PEX5L: variants seen among roughly 807,000 people sequenced by gnomAD.
PEX5L encodes the protein peroxisomal biogenesis factor 5 like, also known as PEX5-related protein.
Under a neutral mutation model 84.0 loss-of-function variants are expected in PEX5L, and 30 were observed. The ratio of observed to expected loss-of-function variants is 0.36; its 90% CI spans 0.27 to 0.48. The LOEUF is 0.48. PEX5L is among the 20% of genes least tolerant of loss of function. PEX5L has a pLI of 0.99. For synonymous variants in PEX5L, 270 were observed against 283.1 expected, an observed-to-expected ratio of 0.95 and a Z score of 0.46; for missense variants, 533 against 754.6, an observed-to-expected ratio of 0.71 and a Z score of 3.44.
chr3:179,986,397 ATTTTT>A (rs11344304), intron 1 of PEX5L, among the ~76,000 whole-genome samples: 32 of 111,074 alleles, frequency 2.9e-4, no homozygotes, highest in Admixed American at 8.8e-4. Context: ...CCATTTAGTA[ATTTTT>A]TTTTTTTTTT....
At chr3:180,028,640 T>A (rs1369972118) in intron 1 of PEX5L, among the ~76,000 whole-genome samples, 3 of 152,242 alleles carry the variant, frequency 2.0e-5, no homozygotes, top group Non-Finnish European at 1.5e-5. Context: ...GCACTAGCTC[T>A]GTTAACTAAC....
At chr3:179,867,402 A>G (rs1748717889) in intron 7 of PEX5L, among the ~76,000 whole-genome samples, 1 of 152,092 alleles carries the variant, frequency 6.6e-6, no homozygotes, top group Non-Finnish European at 1.5e-5. Context: ...TTGAGAATGT[A>G]CTGTGTACAG....
chr3:179,886,192 C>T (rs1389288031), intron 4 of PEX5L, among the ~76,000 whole-genome samples: 1 of 152,192 alleles, frequency 6.6e-6, no homozygotes, highest in East Asian at 1.9e-4. Context: ...GATTCACCTG[C>T]AATTGGACAT....
At position 179,954,212 on chromosome 3, in the gene PEX5L, G is replaced by C. The variant is rs75686020; in HGVS notation, c.93+17382C>G. Among the ~76,000 whole-genome samples, 228 of 141,080 alleles carry C rather than the reference G, an allele frequency of 1.6e-3. 5 individuals carry two copies. The East Asian group carries it at 0.036, about 22-fold the overall frequency. 92.6% of individuals were successfully genotyped at this position (141,080 alleles called of 152,430 possible). On this transcript the variant is annotated intron_variant, in intron 2 of 14. Transcript: ENST00000467460. Reference sequence around the variant, plus strand: ...AGAAATTAACCATTAGTCGGGGGGGGGGGAAAAAGTCAGCCATGAGTAAAA... The same window carrying C: ...AGAAATTAACCATTAGTCGGGGGGGCGGGAAAAAGTCAGCCATGAGTAAAA...
At chr3:179,846,478 A>G (rs932043859) in intron 8 of PEX5L, among the ~76,000 whole-genome samples, 1 of 152,156 alleles carries the variant, frequency 6.6e-6, no homozygotes, top group Admixed American at 6.5e-5. Flanking sequence ...ACCTCGTTTC[A>G]TCACCCCCAC....
chr3:179,814,639 TATG>T (rs1276834710), intron 10 of PEX5L, among the ~76,000 whole-genome samples: 1 of 152,212 alleles, frequency 6.6e-6, no homozygotes, highest in Non-Finnish European at 1.5e-5. Flanking sequence ...GACACTATCT[TATG>T]ATAGGCCTTC....
At chr3:179,953,450 C>T (rs1779654222) in intron 2 of PEX5L, among the ~76,000 whole-genome samples, 1 of 152,134 alleles carries the variant, frequency 6.6e-6, no homozygotes, top group Admixed American at 6.5e-5. Flanking sequence ...TATGAACAGA[C>T]ACTTCTCAAA....
intron 8 of PEX5L, among the ~76,000 whole-genome samples, chr3:179,827,442 A>G (rs1254160402): frequency 1.3e-5 from 2 of 152,162 alleles, no homozygotes; most frequent in Non-Finnish European, 2.9e-5. Context: ...GTGCCTTCAG[A>G]TGATTCCAGC....
In PEX5L at chr3:180,010,246, C is replaced by CTTTTTTTT. The variant is rs1178375452; in HGVS notation, c.21+26325_21+26332dup. ...AGGCGTGAGCCACTGCACCCGGCCT[C>CTTTTTTTT]TTTTTTTTTTTTTTTTTTTTCTGTA... is the stretch of plus-strand genomic sequence containing the variant. On this transcript the variant is annotated intron_variant, in intron 1 of 14. Coordinates refer to ENST00000467460, the MANE Select transcript of PEX5L (RefSeq NM_016559.3). Among the ~76,000 whole-genome samples, 84 of 105,150 alleles carry CTTTTTTTT rather than the reference C, an allele frequency of 8.0e-4. 4 individuals carry two copies. Among genetic ancestry groups the CTTTTTTTT allele is most frequent in the African/African-American group, 3.1e-3 (72 of 23,086 alleles). 69.0% of individuals were successfully genotyped at this position (105,150 alleles called of 152,430 possible).
intron 8 of PEX5L, among the ~76,000 whole-genome samples, chr3:179,827,860 C>A (rs1470960061): frequency 1.3e-5 from 2 of 152,130 alleles, no homozygotes; most frequent in Non-Finnish European, 2.9e-5. Flanking sequence ...ATTCAGTGAC[C>A]AAACTTTAGT....
At chr3:179,810,944 TC>T (rs1723519891) in intron 11 of PEX5L, among the ~76,000 whole-genome samples, 1 of 152,144 alleles carries the variant, frequency 6.6e-6, no homozygotes, top group Non-Finnish European at 1.5e-5. Flanking sequence ...AAGTTCTGTC[TC>T]TGTTACATAC....
chr3:180,020,584 A>C (rs1477466002), intron 1 of PEX5L, among the ~76,000 whole-genome samples: 1 of 152,140 alleles, frequency 6.6e-6, no homozygotes, highest in Non-Finnish European at 1.5e-5. Flanking sequence ...ACCCACAGAG[A>C]TAAAGTGATG....
In PEX5L at chr3:179,890,154, C is replaced by T. The variant is rs148360856; in HGVS notation, c.199-2370G>A. Among the ~76,000 whole-genome samples, 412 of 152,256 alleles carry T rather than the reference C, an allele frequency of 2.7e-3. 3 individuals carry two copies. Among genetic ancestry groups the T allele is most frequent in the African/African-American group, 9.7e-3 (402 of 41,556 alleles). The stretch of plus-strand genomic sequence containing the variant: ...TATGTGCTTAATGTAATGAACTCAT[C>T]TAGTGTGATCAACGCAGTGATGAGG... On this transcript the variant is annotated intron_variant, in intron 3 of 14. Coordinates refer to ENST00000467460, the MANE Select transcript of PEX5L (RefSeq NM_016559.3).
intron 14 of PEX5L, among the ~76,000 whole-genome samples, 153 bp downstream of exon 14, chr3:179,807,521 G>T (rs972125734): frequency 1.3e-5 from 2 of 152,304 alleles, no homozygotes; most frequent in African/African-American, 2.4e-5. Context: ...GCTCAAACAG[G>T]CCTTGGGATC....
rs541396116 is a variant in PEX5L at position 179,892,553 on chromosome 3, T to C, written c.199-4769A>G. ...TACAGTCTAACTGAATGGTAAACTG[T>C]AGAAAAGAATTATTGCATGGGTGTC... On this transcript the variant is annotated intron_variant, in intron 3 of 14. Coordinates refer to ENST00000467460, the MANE Select transcript of PEX5L (RefSeq NM_016559.3). 5.9e-5 allele frequency among the ~76,000 whole-genome samples: 9 copies of C among 152,244 alleles called. No homozygotes were observed. The East Asian group carries it at 1.7e-3, about 29-fold the overall frequency.
intron 8 of PEX5L, among the ~76,000 whole-genome samples, chr3:179,852,688 A>G (rs978474339): frequency 6.6e-6 from 1 of 152,000 alleles, no homozygotes; most frequent in African/African-American, 2.4e-5. Flanking sequence ...ACTGAACTGT[A>G]CTCTACTTTG....
intron 1 of PEX5L, among the ~76,000 whole-genome samples, chr3:180,011,885 C>T (rs1043425598): frequency 1.3e-5 from 2 of 152,150 alleles, no homozygotes; most frequent in African/African-American, 2.4e-5. Context: ...CAGAAAGCAA[C>T]CAGGCACTGA....
intron 3 of PEX5L, among the ~76,000 whole-genome samples, chr3:179,892,462 G>C (rs575634014): frequency 6.6e-6 from 1 of 152,188 alleles, no homozygotes; most frequent in Non-Finnish European, 1.5e-5. Context: ...CTTTAGAGTA[G>C]AGATCTCATC....
intron 2 of PEX5L, among the ~76,000 whole-genome samples, chr3:179,960,411 ACAATG>A (rs1268242285): frequency 6.6e-6 from 1 of 152,210 alleles, no homozygotes; most frequent in African/African-American, 2.4e-5. Flanking sequence ...GGGCTGGATG[ACAATG>A]GACAGCCTGC....
Sources: gnomAD v4.1 joint callset for allele counts (sites outside exome capture counted in the v4.1 genomes callset) on GRCh38, gnomAD v4.1.1 for gene constraint, MANE v1.5 for transcripts, NCBI Gene and HGNC (gene_info 2026-07-23, HGNC 2026-07-21) for gene names.